The following ELP4 variants were observed in gnomAD, a reference collection of about 807,000 sequenced individuals.
The protein encoded by ELP4 is elongator complex protein 4.
A neutral mutation model predicts 48.9 loss-of-function variants in ELP4; 51 were observed. The ratio of observed to expected loss-of-function variants is 1.04; its 90% CI spans 0.83 to 1.32. The LOEUF (loss-of-function observed/expected upper bound fraction) is 1.32, where lower values mean the gene tolerates loss of function less well. Ranked by LOEUF, ELP4 falls within the 40% of genes most tolerant of loss-of-function variation. ELP4 has a pLI of 0.00. For synonymous variants in ELP4, 210 were observed against 189.2 expected (o/e 1.11, Z -0.90); for missense variants, 519 against 514.6 (o/e 1.01, Z -0.08).
At chr11:31,610,749 G>A (rs1435601308) in intron 5 of ELP4, among the ~76,000 whole-genome samples, 1 of 152,214 alleles carries the variant, frequency 6.6e-6, no homozygotes, top group East Asian at 1.9e-4. Flanking sequence ...ACAGAGTTAA[G>A]TGAATCATCT....
intron 9 of ELP4, among the ~76,000 whole-genome samples, chr11:31,682,865 A>G (rs549207828): frequency 1.4e-4 from 21 of 152,246 alleles, no homozygotes; most frequent in African/African-American, 4.6e-4. Context: ...ACTATCAAAT[A>G]TTTATGTACT....
chr11:31,741,757 A>T (rs1048769801), intron 9 of ELP4, among the ~76,000 whole-genome samples: 4 of 152,224 alleles, frequency 2.6e-5, no homozygotes, highest in Non-Finnish European at 4.4e-5. Flanking sequence ...CGTCACCATC[A>T]TCAAAGACCA....
chr11:31,752,626 A>T (rs765826651), intron 9 of ELP4, among the ~76,000 whole-genome samples: 2 of 152,054 alleles, frequency 1.3e-5, no homozygotes, highest in Non-Finnish European at 2.9e-5. Flanking sequence ...CGAGGTCAGG[A>T]GATCGAGACC....
chr11:31,754,909 C>A (rs748939544), intron 9 of ELP4, among the ~76,000 whole-genome samples: 1 of 152,020 alleles, frequency 6.6e-6, no homozygotes, highest in Non-Finnish European at 1.5e-5. Context: ...GCAATGACAC[C>A]CCCATAACAA....
chr11:31,526,399 A>G (rs567769122), intron 2 of ELP4, among the ~76,000 whole-genome samples: 39 of 152,184 alleles, frequency 2.6e-4, no homozygotes, highest in Non-Finnish European at 4.6e-4. Flanking sequence ...GTAGGCTTTC[A>G]ACACTGGCCA....
intron 3 of ELP4, among the ~76,000 whole-genome samples, chr11:31,579,787 G>T (rs1044120425): frequency 7.9e-6 from 1 of 127,138 alleles, no homozygotes; most frequent in Non-Finnish European, 1.6e-5. Context: ...GCCTGTCATG[G>T]GGTGGGGGGA....
chr11:31,524,308 A>G (rs1956262302), intron 2 of ELP4, among the ~76,000 whole-genome samples: 1 of 152,226 alleles, frequency 6.6e-6, no homozygotes, highest in African/African-American at 2.4e-5. Flanking sequence ...AAGGCTTGAC[A>G]AGGGAACTAT....
chr11:31,517,864 C>T (rs1168223157), intron 1 of ELP4, among the ~76,000 whole-genome samples: 2 of 151,388 alleles, frequency 1.3e-5, no homozygotes, highest in Non-Finnish European at 2.9e-5. Flanking sequence ...ATGATCCACC[C>T]GTATTGGCCT....
intron 5 of ELP4, among the ~76,000 whole-genome samples, chr11:31,619,825 C>A (rs943433085): frequency 6.6e-6 from 1 of 152,002 alleles, no homozygotes; most frequent in Non-Finnish European, 1.5e-5. Context: ...TCCCACCTTT[C>A]ACCTTCCAAA....
chr11:31,691,858 T>C (rs1946288405), intron 9 of ELP4, among the ~76,000 whole-genome samples: 1 of 152,146 alleles, frequency 6.6e-6, no homozygotes, highest in Non-Finnish European at 1.5e-5. Context: ...AGATGACACA[T>C]AGCTGGTTAT....
intron 6 of ELP4, among the ~76,000 whole-genome samples, chr11:31,630,449 C>G (rs1442626058): frequency 6.6e-6 from 1 of 151,776 alleles, no homozygotes; most frequent in African/African-American, 2.4e-5. Context: ...CTGCCTCAGC[C>G]TCCCAAATTG....
rs1227792910 is a variant in ELP4, at chr11:31,784,358, A to G, written c.*834A>G. 1 of 152,194 alleles carries G rather than the reference A, an allele frequency of 6.6e-6. No individual in the cohort carries two copies. Among genetic ancestry groups the G allele is most frequent in the Non-Finnish European group, 1.5e-5 (1 of 67,984 alleles). 9.4% of individuals were successfully genotyped at this position (152,194 alleles called of 1,614,324 possible). The stretch of plus-strand genomic sequence containing the variant: ...ATTGCATCACATAAATATTTTGTTA[A>G]TAATGAACATTGGTTGAGTGTGTAA... On this transcript the variant is annotated 3_prime_UTR_variant, in exon 10 of 10. Coordinates refer to ENST00000640961, the MANE Select transcript of ELP4 (RefSeq NM_019040.5).
At chr11:31,738,944 C>T (rs1477028522) in intron 9 of ELP4, among the ~76,000 whole-genome samples, 1 of 152,120 alleles carries the variant, frequency 6.6e-6, no homozygotes, top group Non-Finnish European at 1.5e-5. Flanking sequence ...CGTTGCTGTT[C>T]AATGAGTATA....
intron 9 of ELP4, among the ~76,000 whole-genome samples, chr11:31,745,637 G>T (rs1947571614): frequency 6.6e-6 from 1 of 152,120 alleles, no homozygotes; most frequent in Admixed American, 6.5e-5. Context: ...ACAAGCAATG[G>T]GGAAAGGATT....
chr11:31,566,548 G>A (rs905939344), intron 3 of ELP4, among the ~76,000 whole-genome samples: 6 of 152,004 alleles, frequency 3.9e-5, no homozygotes, highest in South Asian at 2.1e-4. Context: ...ATAGGTCTTC[G>A]CTGGTTAACT....
intron 9 of ELP4, among the ~76,000 whole-genome samples, chr11:31,771,923 A>G (rs1297995343): frequency 6.6e-6 from 1 of 151,808 alleles, no homozygotes; most frequent in African/African-American, 2.4e-5. Flanking sequence ...CGGAGGTTGC[A>G]GTGAGCCAAG....
Position 31,787,964 on chromosome 11 carries a change from G to A in ELP4, c.*4440G>A. On this transcript the variant is annotated 3_prime_UTR_variant, in exon 10 of 10. Coordinates refer to ENST00000640961, the MANE Select transcript of ELP4 (RefSeq NM_019040.5). ...TCTTTGTCCCCAGAGGTTTCTGCAT[G>A]TGCAAGCATTTTAATCTAGACTGCC... The A allele has an allele frequency of 9.0e-6, 2 of 222,792 alleles. No homozygotes were observed. Among genetic ancestry groups the A allele is most frequent in the Non-Finnish European group, 9.0e-6 (1 of 111,496 alleles). 13.8% of individuals were successfully genotyped at this position (222,792 alleles called of 1,614,324 possible). A position where few individuals can be genotyped will look rare whatever the true frequency, so the allele number is the denominator to read the frequency against.
chr11:31,602,410 A>T (rs1247844070), intron 4 of ELP4, among the ~76,000 whole-genome samples: 1 of 151,990 alleles, frequency 6.6e-6, no homozygotes, highest in Admixed American at 6.6e-5. Flanking sequence ...ATAAATGGAT[A>T]AATTATGTTT....
At chr11:31,627,994 T>C (rs1241645971) in intron 6 of ELP4, among the ~76,000 whole-genome samples, 4 of 152,130 alleles carry the variant, frequency 2.6e-5, no homozygotes, top group Non-Finnish European at 5.9e-5. Flanking sequence ...TTATTATATT[T>C]AACAGGTTTT....
Sources: gnomAD v4.1 joint callset for allele counts (sites outside exome capture counted in the v4.1 genomes callset) on GRCh38, gnomAD v4.1.1 for gene constraint, MANE v1.5 for transcripts, NCBI Gene and HGNC (gene_info 2026-07-23, HGNC 2026-07-21) for gene names.